Variants in ADAMTS17 observed in about 807,000 individuals in gnomAD.
The protein encoded by ADAMTS17 is ADAM metallopeptidase with thrombospondin type 1 motif 17, also known as A disintegrin and metalloproteinase with thrombospondin motifs 17.
Under a neutral mutation model 141.5 loss-of-function variants are expected in ADAMTS17, and 113 were observed. That is an observed-to-expected ratio of 0.80 (90% CI 0.69 to 0.93). The LOEUF is 0.93. Ranked by LOEUF, ADAMTS17 falls within the 40% of genes least tolerant of loss-of-function variation. The pLI is 0.00. For synonymous variants in ADAMTS17, 768 were observed against 630.6 expected (o/e 1.22, Z -3.27); for missense variants, 1,659 against 1,517.9 (o/e 1.09, Z -1.54).
Position 100,173,476 on chromosome 15 carries a change from T to C in ADAMTS17, c.1182-18156A>G, listed in dbSNP as rs183689284. On this transcript the variant is annotated intron_variant, in intron 8 of 21. Transcript: ENST00000268070. ...CCACCTGGTAGACAAGGCACCAAGATAGCTTGCCAACCCCCACCTGCTCAC... is the reference window on the plus strand; with the variant it reads ...CCACCTGGTAGACAAGGCACCAAGACAGCTTGCCAACCCCCACCTGCTCAC... Among the ~76,000 whole-genome samples, 467 of 152,296 alleles carry C rather than the reference T, an allele frequency of 3.1e-3. 1 individual carries two copies. Among genetic ancestry groups the C allele is most frequent in the African/African-American group, 0.01 (426 of 41,578 alleles).
At chr15:100,208,940 C>A (rs939282241) in intron 7 of ADAMTS17, among the ~76,000 whole-genome samples, 1 of 152,026 alleles carries the variant, frequency 6.6e-6, no homozygotes, top group Non-Finnish European at 1.5e-5. Context: ...ATTTCTCGGA[C>A]CATATGAGCC....
chr15:100,266,542 C>T (rs2043722661), intron 4 of ADAMTS17, among the ~76,000 whole-genome samples: 1 of 152,210 alleles, frequency 6.6e-6, no homozygotes, highest in African/African-American at 2.4e-5. Flanking sequence ...CTTCCCACTG[C>T]CTGGAATGAG....
At chr15:100,098,533 C>T (rs533721917) in intron 14 of ADAMTS17, among the ~76,000 whole-genome samples, 113 of 151,978 alleles carry the variant, frequency 7.4e-4, no homozygotes, top group South Asian at 2.1e-4. Context: ...TATGGTGACA[C>T]GCACCTGTAG....
chr15:100,267,287 C>T (rs12442810), intron 4 of ADAMTS17, among the ~76,000 whole-genome samples: 13,977 of 152,074 alleles, frequency 0.092, 1,003 homozygotes, highest in East Asian at 0.3. Flanking sequence ...TTCATCCATG[C>T]TGTGGCGTGT....
intron 7 of ADAMTS17, among the ~76,000 whole-genome samples, chr15:100,230,079 C>G (rs751900992): frequency 6.6e-6 from 1 of 152,214 alleles, no homozygotes; most frequent in Admixed American, 6.5e-5. Flanking sequence ...CCAAGCTGCA[C>G]GAGCATAACC....
At chr15:100,311,627 T>G (rs1032008062) in intron 3 of ADAMTS17, among the ~76,000 whole-genome samples, 3 of 152,170 alleles carry the variant, frequency 2.0e-5, no homozygotes, top group Non-Finnish European at 4.4e-5. Flanking sequence ...AATTCCTCTG[T>G]TTGGTGGAGC....
chr15:100,140,389 A>G (rs1416410641), intron 10 of ADAMTS17, among the ~76,000 whole-genome samples: 1 of 151,926 alleles, frequency 6.6e-6, no homozygotes, highest in Non-Finnish European at 1.5e-5. Context: ...ACAAAAAGTT[A>G]AAAAATAACA....
At chr15:100,330,731 T>A (rs776493806) in intron 3 of ADAMTS17, among the ~76,000 whole-genome samples, 158 bp downstream of exon 3, 6 of 151,960 alleles carry the variant, frequency 3.9e-5, no homozygotes, top group Non-Finnish European at 7.4e-5. Flanking sequence ...CTAAGACACA[T>A]AGAAAGGAAA....
intron 20 of ADAMTS17, chr15:99,979,594 GA>G (rs35401930): frequency 0.68 from 103,569 of 152,066 alleles, 35,525 homozygotes; most frequent in Non-Finnish European, 0.72. Context: ...GGGACAGACT[GA>G]AAAAAGGGCA....
intron 16 of ADAMTS17, among the ~76,000 whole-genome samples, chr15:100,052,498 G>A (rs550589165): frequency 6.6e-6 from 1 of 152,350 alleles, no homozygotes; most frequent in South Asian, 2.1e-4. Flanking sequence ...AATGAATCCA[G>A]GCTGGGGACT....
At chr15:100,176,078 G>A (rs2040328673) in intron 8 of ADAMTS17, among the ~76,000 whole-genome samples, 1 of 152,224 alleles carries the variant, frequency 6.6e-6, no homozygotes, top group African/African-American at 2.4e-5. Context: ...GAGGTGGATG[G>A]TAAAAGAATG....
At chr15:100,233,314 G>C (rs1281939981) in intron 7 of ADAMTS17, among the ~76,000 whole-genome samples, 4 of 146,622 alleles carry the variant, frequency 2.7e-5, no homozygotes, top group Non-Finnish European at 5.9e-5. Flanking sequence ...TGGGCAACAA[G>C]AGTGAAACTC....
chr15:100,075,336 G>A lies in ADAMTS17; in HGVS notation c.2137+21020C>T, dbSNP rs546646828. Among the ~76,000 whole-genome samples the A allele has an allele frequency of 3.4e-4, 51 of 152,224 alleles. No individual in the cohort carries two copies. The East Asian group carries it at 8.7e-3, about 26-fold the overall frequency. ...CAGTTTCTCTAATAAATTCTTGCTG[G>A]TCTCAAATGTGTTCCCTTTGAGATG... On this transcript the variant is annotated intron_variant, in intron 15 of 21. Coordinates refer to ENST00000268070, the MANE Select transcript of ADAMTS17 (RefSeq NM_139057.4).
At chr15:100,039,878 C>T (rs2031090938) in intron 18 of ADAMTS17, among the ~76,000 whole-genome samples, 1 of 152,046 alleles carries the variant, frequency 6.6e-6, no homozygotes, top group South Asian at 2.1e-4. Context: ...CAGTTTTGCT[C>T]CATGTATTTT....
intron 18 of ADAMTS17, among the ~76,000 whole-genome samples, chr15:100,036,287 C>G (rs1356482213): frequency 6.6e-6 from 1 of 152,194 alleles, no homozygotes. Context: ...GGCAAATTCT[C>G]TGTCTTAGGA....
intron 8 of ADAMTS17, among the ~76,000 whole-genome samples, chr15:100,190,725 CCTT>C (rs1170622899): frequency 6.6e-6 from 1 of 152,220 alleles, no homozygotes; most frequent in Admixed American, 6.5e-5. Context: ...TGGGGACACT[CCTT>C]CTGCAGAGAA....
chr15:100,227,129 C>A (rs559170164), intron 7 of ADAMTS17, among the ~76,000 whole-genome samples: 13 of 152,278 alleles, frequency 8.5e-5, no homozygotes, highest in African/African-American at 3.1e-4. Flanking sequence ...TGATGAACCC[C>A]GAGTGCCCCC....
At chr15:100,333,823 C>T (rs1555511049) in intron 2 of ADAMTS17, among the ~76,000 whole-genome samples, 6 of 152,212 alleles carry the variant, frequency 3.9e-5, no homozygotes, top group Non-Finnish European at 8.8e-5. Flanking sequence ...GTGCCTTAGA[C>T]ACAAGAGGCC....
chr15:100,204,278 C>A (rs1441276923), intron 7 of ADAMTS17, among the ~76,000 whole-genome samples: 2 of 152,146 alleles, frequency 1.3e-5, no homozygotes, highest in Non-Finnish European at 2.9e-5. Context: ...GCCTTGCTGC[C>A]CATTAGTCCA....
Sources: allele counts gnomAD v4.1 joint callset (sites outside exome capture counted in the v4.1 genomes callset), GRCh38; gene constraint gnomAD v4.1.1; transcripts MANE v1.5; gene names NCBI Gene and HGNC (gene_info 2026-07-23, HGNC 2026-07-21).